The following PDE4D variants were observed in gnomAD, a reference collection of about 807,000 sequenced individuals.
PDE4D encodes 3',5'-cyclic-AMP phosphodiesterase 4D.
A neutral mutation model predicts 87.4 loss-of-function variants in PDE4D; 24 were observed. The ratio of observed to expected loss-of-function variants is 0.27; its 90% CI spans 0.20 to 0.39. The LOEUF (loss-of-function observed/expected upper bound fraction) is 0.39, where lower values mean the gene tolerates loss of function less well. Among genes scored for constraint, PDE4D ranks in the 10% least tolerant of loss-of-function variants. The pLI is 1.00. For synonymous variants in PDE4D, 384 were observed against 383.2 expected (o/e 1.00, Z -0.02); for missense variants, 714 against 1,041.0 (o/e 0.69, Z 4.32).
chr5:59,503,957 CTTA>C (rs1347276670), intron 1 of PDE4D, among the ~76,000 whole-genome samples: 1 of 152,086 alleles, frequency 6.6e-6, no homozygotes, highest in African/African-American at 2.4e-5. Flanking sequence ...ATACTGTGAA[CTTA>C]TTAAGACAAG....
chr5:59,368,854 A>G lies in PDE4D; in HGVS notation c.456-152886T>C, dbSNP rs115352082. On this transcript the variant is annotated intron_variant, in intron 1 of 14. Transcript: ENST00000340635. ...TGCTACTCACTTTCCTAACCAAACC[A>G]TCATGAAAAACATGCTTAGAACCCT... Among the ~76,000 whole-genome samples the G allele has an allele frequency of 5.5e-3, 836 of 152,330 alleles. 13 individuals are homozygous for G. The highest frequency in any genetic ancestry group is 0.019 in the African/African-American group (799 of 41,570).
At chr5:60,446,697 C>G (rs1455573690) in intron 1 of PDE4D, among the ~76,000 whole-genome samples, 2 of 151,702 alleles carry the variant, frequency 1.3e-5, no homozygotes, top group African/African-American at 4.9e-5. Context: ...CAGGCTGATT[C>G]ACAGTGATGT....
chr5:59,284,983 A>G (rs1337954704), intron 1 of PDE4D, among the ~76,000 whole-genome samples: 18 of 84,308 alleles, frequency 2.1e-4, no homozygotes, highest in African/African-American at 7.5e-4. Flanking sequence ...AACACCGCAT[A>G]TTCTCACTCA....
intron 5 of PDE4D, among the ~76,000 whole-genome samples, chr5:59,058,310 G>A (rs947281835): frequency 6.6e-6 from 1 of 152,124 alleles, no homozygotes; most frequent in Non-Finnish European, 1.5e-5. Flanking sequence ...TGTAACTTTT[G>A]TTCCAGGGGA....
intron 1 of PDE4D, among the ~76,000 whole-genome samples, chr5:59,364,144 T>C (rs891123753): frequency 3.9e-5 from 6 of 152,226 alleles, no homozygotes; most frequent in Admixed American, 3.3e-4. Flanking sequence ...TGCCATTTAC[T>C]AGCTATCTCT....
chr5:59,810,289 G>A (rs999027962), intron 1 of PDE4D, among the ~76,000 whole-genome samples: 7 of 152,204 alleles, frequency 4.6e-5, no homozygotes, highest in African/African-American at 1.4e-4. Flanking sequence ...TTATGTACAA[G>A]AGCAATGACG....
At chr5:59,493,044 T>G (rs1360056514) in intron 1 of PDE4D, among the ~76,000 whole-genome samples, 1 of 152,208 alleles carries the variant, frequency 6.6e-6, no homozygotes, top group East Asian at 1.9e-4. Context: ...TGGACTAATA[T>G]GATCTATATG....
chr5:59,345,607 G>A (rs2153583843), intron 1 of PDE4D, among the ~76,000 whole-genome samples: 1 of 152,236 alleles, frequency 6.6e-6, no homozygotes, highest in East Asian at 1.9e-4. Context: ...TGGAAAAACA[G>A]GTCCTAAAGA....
intron 1 of PDE4D, among the ~76,000 whole-genome samples, chr5:59,590,241 C>A (rs111262722): frequency 0.027 from 4,073 of 152,238 alleles, 157 homozygotes; most frequent in African/African-American, 0.084. Flanking sequence ...ACATGTATGG[C>A]CTTCAAGAAA....
chr5:59,981,017 T>C (rs1441011416), intron 3 of PDE4D, among the ~76,000 whole-genome samples: 1 of 152,120 alleles, frequency 6.6e-6, no homozygotes, highest in Non-Finnish European at 1.5e-5. Context: ...TTTGGGAGGC[T>C]GAGGCAGGAA....
At chr5:60,489,465 AT>A (rs1296128238), upstream of PDE4D, among the ~76,000 whole-genome samples, 1 of 152,208 alleles carries the variant, frequency 6.6e-6, no homozygotes, top group Non-Finnish European at 1.5e-5. Context: ...GCTGTAGATA[AT>A]TGACTGAATT....
chr5:59,979,915 A>G (rs1761741107), intron 3 of PDE4D, among the ~76,000 whole-genome samples: 1 of 152,292 alleles, frequency 6.6e-6, no homozygotes, highest in African/African-American at 2.4e-5. Context: ...TTTTTAAAAG[A>G]AAACTTTTGC....
chr5:60,084,688 C>T (rs1168290495), intron 2 of PDE4D, among the ~76,000 whole-genome samples: 1 of 152,188 alleles, frequency 6.6e-6, no homozygotes, highest in Non-Finnish European at 1.5e-5. Context: ...CACTGCAGGG[C>T]TAATTCTATT....
chr5:59,006,339 A>C (rs1751602869), intron 6 of PDE4D, among the ~76,000 whole-genome samples: 1 of 152,178 alleles, frequency 6.6e-6, no homozygotes, highest in South Asian at 2.1e-4. Context: ...CCAATGCGGG[A>C]GGATTGCTTG....
rs745496076 is a variant in PDE4D at position 60,467,239 on chromosome 5, C to T, written c.-90+20703G>A. On this transcript the variant is annotated intron_variant, in intron 1 of 16. Coordinates refer to the PDE4D transcript ENST00000502484. Reference sequence around the variant, plus strand: ...ATTCTTAGTAGAGACGGGGTTTCACCATGTTCGCCAGGCTGGTCTTGAACT... The same window carrying T: ...ATTCTTAGTAGAGACGGGGTTTCACTATGTTCGCCAGGCTGGTCTTGAACT... Among the ~76,000 whole-genome samples, 116 of 152,144 alleles carry T rather than the reference C, an allele frequency of 7.6e-4. 1 individual carries two copies. The highest frequency in any genetic ancestry group is 3.4e-3 in the Middle Eastern group (1 of 294).
intron 1 of PDE4D, among the ~76,000 whole-genome samples, chr5:59,845,175 C>A (rs540037784): frequency 5.3e-5 from 8 of 152,064 alleles, no homozygotes; most frequent in Admixed American, 5.2e-4. Context: ...GACTCTGATA[C>A]GCACCTGACT....
intron 1 of PDE4D, among the ~76,000 whole-genome samples, chr5:60,347,313 G>A (rs116192532): frequency 0.016 from 2,480 of 152,248 alleles, 43 homozygotes; most frequent in Non-Finnish European, 0.021. Flanking sequence ...AGGAGCAGGA[G>A]AAAGAGTGGG....
intron 2 of PDE4D, among the ~76,000 whole-genome samples, chr5:60,110,433 A>G (rs1057420874): frequency 6.6e-6 from 1 of 151,972 alleles, no homozygotes; most frequent in African/African-American, 2.4e-5. Flanking sequence ...AACATCACTA[A>G]TCATCAAAAC....
intron 1 of PDE4D, among the ~76,000 whole-genome samples, chr5:59,720,326 T>C (rs1260716751): frequency 6.6e-6 from 1 of 152,064 alleles, no homozygotes; most frequent in East Asian, 1.9e-4. Context: ...GCTAATTATG[T>C]AGAGAGAGGG....
Sources: allele counts gnomAD v4.1 joint callset (sites outside exome capture counted in the v4.1 genomes callset), GRCh38; gene constraint gnomAD v4.1.1; transcripts MANE v1.5; gene names NCBI Gene and HGNC (gene_info 2026-07-23, HGNC 2026-07-21).